THSD7A: variants seen among roughly 807,000 people sequenced by gnomAD.
THSD7A encodes the protein thrombospondin type 1 domain containing 7A.
In THSD7A, 96 loss-of-function variants were observed where a neutral mutation model predicts 231.3. The observed-to-expected ratio is 0.41, with a 90% confidence interval of 0.35 to 0.49. The LOEUF is 0.49. Among genes scored for constraint, THSD7A ranks in the 20% least tolerant of loss-of-function variants. The pLI, the probability that THSD7A is intolerant of heterozygous loss-of-function variation, is 0.05. For missense variants in THSD7A, 2,290 were observed against 2,070.2 expected (o/e 1.11, Z -2.06); for synonymous variants, 940 against 743.3 (o/e 1.26, Z -4.30).
chr7:11,479,429 G>A (rs1437249862), intron 7 of THSD7A, among the ~76,000 whole-genome samples: 1 of 152,094 alleles, frequency 6.6e-6, no homozygotes, highest in African/African-American at 2.4e-5. Flanking sequence ...CTCAAATGTG[G>A]CACTTTCCTT....
At chr7:11,538,964 G>A (rs946820732) in intron 6 of THSD7A, among the ~76,000 whole-genome samples, 3 of 152,156 alleles carry the variant, frequency 2.0e-5, no homozygotes, top group Admixed American at 2.0e-4. Context: ...AATCTGTGAG[G>A]AATGTGGGAG....
intron 1 of THSD7A, among the ~76,000 whole-genome samples, chr7:11,688,503 A>T (rs1383552629): frequency 6.6e-6 from 1 of 151,884 alleles, no homozygotes; most frequent in Non-Finnish European, 1.5e-5. Flanking sequence ...CCATGGGGGA[A>T]CAAAAGGATG....
intron 1 of THSD7A, among the ~76,000 whole-genome samples, chr7:11,687,006 T>A (rs555335350): frequency 6.6e-6 from 1 of 151,930 alleles, no homozygotes; most frequent in Admixed American, 6.6e-5. Context: ...CAAATACCTC[T>A]CAATGAATAA....
chr7:11,454,565 CTT>C (rs200207068), intron 11 of THSD7A, among the ~76,000 whole-genome samples: 1 of 143,000 alleles, frequency 7.0e-6, no homozygotes. Context: ...GTGGTTATCT[CTT>C]TTTTTTTTTT....
At chr7:11,536,820 T>G (rs1788934287) in intron 6 of THSD7A, among the ~76,000 whole-genome samples, 1 of 150,934 alleles carries the variant, frequency 6.6e-6, no homozygotes, top group African/African-American at 2.5e-5. Context: ...GTTCTATAAC[T>G]TCTCTTTTTC....
intron 1 of THSD7A, among the ~76,000 whole-genome samples, chr7:11,759,937 T>C (rs1052229949): frequency 1.3e-5 from 2 of 152,028 alleles, no homozygotes; most frequent in African/African-American, 4.8e-5. Flanking sequence ...TATATGTGAG[T>C]GGATCTAAGT....
intron 1 of THSD7A, among the ~76,000 whole-genome samples, chr7:11,724,175 T>C (rs10261272): frequency 0.13 from 20,248 of 151,932 alleles, 1,674 homozygotes; most frequent in Non-Finnish European, 0.19. Context: ...TCATCAATAT[T>C]TTTTGCCTAA....
chr7:11,446,372 T>G lies in THSD7A; in HGVS notation c.2801-48A>C. On this transcript the variant is annotated intron_variant, in intron 12 of 27. Coordinates refer to ENST00000423059, the MANE Select transcript of THSD7A (RefSeq NM_015204.3). This position sits in a 1 kb window ranked among gnomAD's most constrained non-coding sequence, Gnocchi z 4.0. Reference sequence around the variant, plus strand: ...CAATTTAAGTTGGAAAATACCATCATTAATTTCACACATCCCTAAATTTTC... The same window carrying G: ...CAATTTAAGTTGGAAAATACCATCAGTAATTTCACACATCCCTAAATTTTC... 1 of 1,563,268 alleles carries G rather than the reference T, an allele frequency of 6.4e-7. No homozygotes were observed.
At chr7:11,499,375 C>G (rs1252184599) in intron 6 of THSD7A, among the ~76,000 whole-genome samples, 1 of 152,232 alleles carries the variant, frequency 6.6e-6, no homozygotes, top group East Asian at 1.9e-4. Flanking sequence ...ATGTCTTCCT[C>G]TGTTGCCCCT....
chr7:11,733,915 C>G (rs1445096239), intron 1 of THSD7A, among the ~76,000 whole-genome samples: 1 of 151,808 alleles, frequency 6.6e-6, no homozygotes, highest in East Asian at 2.0e-4. Context: ...ACTCCTATGT[C>G]TGGCTACTAT....
At chr7:11,663,379 G>A (rs1211179283) in intron 1 of THSD7A, among the ~76,000 whole-genome samples, 3 of 151,394 alleles carry the variant, frequency 2.0e-5, no homozygotes, top group Non-Finnish European at 1.5e-5. Context: ...TGTCTGCAAG[G>A]AAAATGTTTG....
intron 23 of THSD7A, among the ~76,000 whole-genome samples, chr7:11,383,155 A>C (rs756203189): frequency 1.4e-4 from 22 of 151,820 alleles, no homozygotes; most frequent in Non-Finnish European, 2.1e-4. Context: ...ACACACACAT[A>C]ATTACTATAT....
chr7:11,719,373 T>G (rs555161467), intron 1 of THSD7A, among the ~76,000 whole-genome samples: 1 of 151,764 alleles, frequency 6.6e-6, no homozygotes, highest in Non-Finnish European at 1.5e-5. Context: ...TTTTCTATAT[T>G]GTCTGTAGGT....
chr7:11,519,493 A>G (rs1023273373), intron 6 of THSD7A, among the ~76,000 whole-genome samples: 3 of 152,198 alleles, frequency 2.0e-5, no homozygotes, highest in Non-Finnish European at 2.9e-5. Flanking sequence ...GTACTGGCAC[A>G]CTGTCACTTT....
Position 11,442,104 on chromosome 7 carries a change from G to A in THSD7A, c.3064+3957C>T, listed in dbSNP as rs1312942473. On this transcript the variant is annotated intron_variant, in intron 13 of 27. Coordinates refer to ENST00000423059, the MANE Select transcript of THSD7A (RefSeq NM_015204.3). Reference sequence around the variant, plus strand: ...TTTTTACTGCAGATATGCCATAAGTGTGTTTATATATCATTTGTGCAGTGA... The same window carrying A: ...TTTTTACTGCAGATATGCCATAAGTATGTTTATATATCATTTGTGCAGTGA... 2.0e-5 allele frequency among the ~76,000 whole-genome samples: 3 copies of A among 152,000 alleles called. No individual in the cohort carries two copies. In the East Asian group the frequency reaches 5.8e-4, roughly 29 times the overall value.
At chr7:11,531,638 T>A (rs1405540642) in intron 6 of THSD7A, among the ~76,000 whole-genome samples, 1 of 152,208 alleles carries the variant, frequency 6.6e-6, no homozygotes, top group East Asian at 1.9e-4. Context: ...TCTTCACAGA[T>A]GTCACTCCAT....
chr7:11,521,580 C>T (rs145875710), intron 6 of THSD7A, among the ~76,000 whole-genome samples: 7,679 of 142,484 alleles, frequency 0.054, 996 homozygotes, highest in South Asian at 0.1. Flanking sequence ...CATGCTGGTG[C>T]GCTGCACCCA....
At chr7:11,825,491 A>C (rs1784999108) in intron 1 of THSD7A, among the ~76,000 whole-genome samples, 2 of 152,148 alleles carry the variant, frequency 1.3e-5, no homozygotes, top group African/African-American at 4.8e-5. Flanking sequence ...TGGAAAAGAA[A>C]AGATGCTTAA....
chr7:11,540,957 T>C (rs564936705), intron 6 of THSD7A, among the ~76,000 whole-genome samples: 1 of 152,208 alleles, frequency 6.6e-6, no homozygotes, highest in South Asian at 2.1e-4. Flanking sequence ...GGAAATTAAA[T>C]GATAACACTA....
Sources: gnomAD v4.1 joint callset for allele counts (sites outside exome capture counted in the v4.1 genomes callset) on GRCh38, gnomAD v4.1.1 for gene constraint, Gnocchi (gnomAD v3.1) non-coding constraint, MANE v1.5 for transcripts, NCBI Gene and HGNC (gene_info 2026-07-23, HGNC 2026-07-21) for gene names.